Variants in COL21A1 observed in about 807,000 individuals in gnomAD.
COL21A1 encodes the protein collagen alpha-1(XXI) chain.
A neutral mutation model predicts 137.9 loss-of-function variants in COL21A1; 149 were observed. The ratio of observed to expected loss-of-function variants is 1.08; its 90% CI spans 0.95 to 1.24. The LOEUF (loss-of-function observed/expected upper bound fraction) is 1.24. Among genes scored for constraint, COL21A1 ranks in the 50% most tolerant of loss-of-function variants. The pLI, the probability that COL21A1 is intolerant of heterozygous loss-of-function variation, is 0.00. For missense variants in COL21A1, 1,167 were observed against 1,158.4 expected (o/e 1.01, Z -0.11); for synonymous variants, 456 against 391.5 (o/e 1.16, Z -1.95).
chr6:56,273,115 C>A (rs144429211), intron 1 of COL21A1, among the ~76,000 whole-genome samples: 1 of 152,126 alleles, frequency 6.6e-6, no homozygotes, highest in Non-Finnish European at 1.5e-5. Flanking sequence ...AAATAAACAA[C>A]TTGCTCCTGA....
At chr6:56,280,617 T>A (rs1211105336) in intron 1 of COL21A1, among the ~76,000 whole-genome samples, 2 of 152,224 alleles carry the variant, frequency 1.3e-5, no homozygotes, top group Non-Finnish European at 2.9e-5. Flanking sequence ...GTGGCTTGCA[T>A]ACTTCTTGAC....
chr6:56,125,583 C>A lies in COL21A1; in HGVS notation c.1634G>T (p.Gly545Val). Reference protein sequence around the residue: ...MGAKGDKGSPGFYGKKGAKGE... With the variant: ...MGAKGDKGSPVFYGKKGAKGE... Reference sequence around the variant, plus strand: ...TATACTTCCCTTTTTGCCATAAAATCCAGGTGATCCTTTGTCTCCTTTGGC... The same window carrying A: ...TATACTTCCCTTTTTGCCATAAAATACAGGTGATCCTTTGTCTCCTTTGGC... The change falls in exon 14 of 30, where the codon GGA (glycine) becomes GTA (valine). Residue 545 changes from glycine (G) to valine (V), a missense_variant. Coordinates refer to ENST00000244728, the MANE Select transcript of COL21A1 (RefSeq NM_030820.4). The A allele has an allele frequency of 6.2e-7, 1 of 1,601,268 alleles. No homozygotes were observed. The highest frequency in any genetic ancestry group is 8.5e-7 in the Non-Finnish European group (1 of 1,171,540).
chr6:56,114,933 A>T (rs1771782106), intron 16 of COL21A1, among the ~76,000 whole-genome samples: 1 of 150,064 alleles, frequency 6.7e-6, no homozygotes, highest in African/African-American at 2.5e-5. Flanking sequence ...CAAATGTCCA[A>T]CAATGATAGA....
At chr6:56,372,691 C>T (rs1036519089) in intron 1 of COL21A1, among the ~76,000 whole-genome samples, 2 of 152,182 alleles carry the variant, frequency 1.3e-5, no homozygotes, top group African/African-American at 4.8e-5. Flanking sequence ...GATTCAGAGG[C>T]TTCAATAATG....
chr6:56,097,987 ATAT>A, intron 17 of COL21A1, among the ~76,000 whole-genome samples: 1 of 54,222 alleles, frequency 1.8e-5, no homozygotes, highest in South Asian at 6.5e-4. Flanking sequence ...ATATATAAAT[ATAT>A]ATGTAAATAT....
chr6:56,181,162 T>C (rs1027310707), intron 2 of COL21A1, among the ~76,000 whole-genome samples: 26 of 152,348 alleles, frequency 1.7e-4, no homozygotes, highest in Middle Eastern at 6.8e-3. Context: ...ATGACATTAT[T>C]CCTAAAGTGT....
chr6:56,346,554 A>G (rs756093927), intron 1 of COL21A1, among the ~76,000 whole-genome samples: 2 of 152,226 alleles, frequency 1.3e-5, no homozygotes, highest in Non-Finnish European at 2.9e-5. Context: ...GCATATCACA[A>G]ATTTACATAC....
chr6:56,245,293 A>G (rs1323493547), intron 1 of COL21A1, among the ~76,000 whole-genome samples: 2 of 152,214 alleles, frequency 1.3e-5, no homozygotes, highest in Non-Finnish European at 2.9e-5. Flanking sequence ...AAAGGCTACC[A>G]GAAGGTGAAA....
chr6:56,108,231 CGTGA>C (rs1771121474), intron 16 of COL21A1, among the ~76,000 whole-genome samples: 1 of 151,800 alleles, frequency 6.6e-6, no homozygotes, highest in Non-Finnish European at 1.5e-5. Flanking sequence ...AAAATTACAA[CGTGA>C]GTATTTTGAC....
chr6:56,251,770 G>T (rs920505087), upstream of COL21A1, among the ~76,000 whole-genome samples: 2 of 152,196 alleles, frequency 1.3e-5, no homozygotes, highest in Non-Finnish European at 2.9e-5. Flanking sequence ...GTTCTCAAAT[G>T]CTCTCTCTAG....
At chr6:56,290,002 C>T (rs760241373) in intron 1 of COL21A1, among the ~76,000 whole-genome samples, 3 of 152,062 alleles carry the variant, frequency 2.0e-5, no homozygotes, top group Non-Finnish European at 4.4e-5. Flanking sequence ...GAATATGAGG[C>T]GGTTCCTAAT....
At chr6:56,222,961 T>C (rs1408767179) in intron 1 of COL21A1, among the ~76,000 whole-genome samples, 1 of 151,954 alleles carries the variant, frequency 6.6e-6, no homozygotes, top group Non-Finnish European at 1.5e-5. Context: ...GTGAGTATCA[T>C]GTGACTCAAT....
At chr6:56,326,006 ATT>A (rs1185985099) in intron 1 of COL21A1, among the ~76,000 whole-genome samples, 2,092 of 4,332 alleles carry the variant, frequency 0.48, 641 homozygotes, top group East Asian at 0.81. Flanking sequence ...ACATACATAT[ATT>A]ATGTATATGT....
intron 21 of COL21A1, 42 bp downstream of exon 21, chr6:56,070,702 AT>A (rs781253380): frequency 7.4e-7 from 1 of 1,352,792 alleles, no homozygotes; most frequent in South Asian, 1.4e-5. Flanking sequence ...GGGAATTTAC[AT>A]TATAATTTCT....
chr6:56,393,161 A>T (rs967034639), intron 1 of COL21A1, among the ~76,000 whole-genome samples: 1 of 152,210 alleles, frequency 6.6e-6, no homozygotes, highest in Admixed American at 6.5e-5. Context: ...AAACAGACCA[A>T]TGGAACAGAA....
chr6:56,059,042 A>T, intron 29 of COL21A1, 123 bp downstream of exon 29: 1 of 725,944 alleles, frequency 1.4e-6, no homozygotes, highest in Non-Finnish European at 2.4e-6. Context: ...TCAGTGTGTT[A>T]AATGTGAATC....
intron 8 of COL21A1, 96 bp downstream of exon 8, chr6:56,164,718 T>G (rs1776442056): frequency 9.7e-7 from 1 of 1,031,446 alleles, no homozygotes; most frequent in Non-Finnish European, 1.4e-6. Context: ...ATGGGTTCCA[T>G]TTGTCTAATA....
intron 17 of COL21A1, among the ~76,000 whole-genome samples, chr6:56,089,038 C>A (rs151230637): frequency 2.0e-5 from 3 of 152,118 alleles, no homozygotes; most frequent in East Asian, 3.9e-4. Flanking sequence ...GGTCCGCCCC[C>A]CTTAACTCCC....
intron 1 of COL21A1, among the ~76,000 whole-genome samples, chr6:56,299,416 C>G (rs1764232404): frequency 6.6e-6 from 1 of 152,064 alleles, no homozygotes; most frequent in Non-Finnish European, 1.5e-5. Flanking sequence ...GACAAATTAG[C>G]TGTGGTTCTT....
Sources: gnomAD v4.1 joint callset for allele counts (sites outside exome capture counted in the v4.1 genomes callset) on GRCh38, gnomAD v4.1.1 for gene constraint, MANE v1.5 for transcripts, NCBI Gene and HGNC (gene_info 2026-07-23, HGNC 2026-07-21) for gene names.